Variants in ZBTB20 observed in about 807,000 individuals in gnomAD.
ZBTB20 encodes zinc finger and BTB domain-containing protein 20.
Under a neutral mutation model 56.9 loss-of-function variants are expected in ZBTB20, and 9 were observed. The ratio of observed to expected loss-of-function variants is 0.16; its 90% CI spans 0.10 to 0.28. The LOEUF is 0.28. ZBTB20 is among the 10% of genes least tolerant of loss of function. The pLI, the probability that ZBTB20 is intolerant of heterozygous loss-of-function variation, is 1.00. For synonymous variants in ZBTB20, 417 were observed against 420.7 expected (o/e 0.99, Z 0.11); for missense variants, 655 against 1,003.0 (o/e 0.65, Z 4.69).
intron 6 of ZBTB20, among the ~76,000 whole-genome samples, chr3:114,648,491 C>CA (rs1474695125): frequency 6.6e-6 from 1 of 151,914 alleles, no homozygotes; most frequent in Non-Finnish European, 1.5e-5. Context: ...GGCATGATGG[C>CA]ATCTTAAATT....
chr3:115,059,039 T>G (rs2081921185), intron 2 of ZBTB20, among the ~76,000 whole-genome samples: 1 of 152,176 alleles, frequency 6.6e-6, no homozygotes, highest in Non-Finnish European at 1.5e-5. Context: ...TAGTTCCCTT[T>G]TATGCCACTC....
At chr3:115,051,850 G>T (rs1272909166) in intron 2 of ZBTB20, among the ~76,000 whole-genome samples, 2 of 152,082 alleles carry the variant, frequency 1.3e-5, no homozygotes, top group Non-Finnish European at 2.9e-5. Flanking sequence ...ATGCCTGGGG[G>T]GCCTCAGAAA....
intron 1 of ZBTB20, among the ~76,000 whole-genome samples, chr3:115,091,678 A>T (rs57894310): frequency 0.059 from 8,771 of 148,508 alleles, 850 homozygotes; most frequent in African/African-American, 0.2. Context: ...TGTGTATTTT[A>T]TATATATATA....
chr3:114,901,449 T>C (rs960751607), intron 3 of ZBTB20, among the ~76,000 whole-genome samples: 4 of 152,162 alleles, frequency 2.6e-5, no homozygotes, highest in African/African-American at 4.8e-5. Flanking sequence ...TATATTCTGA[T>C]GGGAATGTGG....
intron 7 of ZBTB20, among the ~76,000 whole-genome samples, chr3:114,426,453 C>A (rs931675094): frequency 3.3e-5 from 5 of 151,754 alleles, no homozygotes; most frequent in Non-Finnish European, 7.4e-5. Context: ...TTCTACCCTA[C>A]TTCAGATCAA....
chr3:115,020,646 T>C (rs1303483231), intron 2 of ZBTB20, among the ~76,000 whole-genome samples: 1 of 151,080 alleles, frequency 6.6e-6, no homozygotes, highest in Non-Finnish European at 1.5e-5. Context: ...TATTGTACTG[T>C]ACTCATTATA....
chr3:115,109,227 T>C (rs1270709692), intron 1 of ZBTB20, among the ~76,000 whole-genome samples: 2 of 152,110 alleles, frequency 1.3e-5, no homozygotes, highest in African/African-American at 4.8e-5. Flanking sequence ...ACAGTTTATA[T>C]TTAATACAAA....
At chr3:114,646,937 G>A (rs1451837890) in intron 6 of ZBTB20, among the ~76,000 whole-genome samples, 2 of 151,870 alleles carry the variant, frequency 1.3e-5, no homozygotes, top group African/African-American at 4.8e-5. Context: ...CTTAATCAAG[G>A]CAGTTTTATT....
intron 3 of ZBTB20, among the ~76,000 whole-genome samples, chr3:114,949,644 T>G (rs1202738890): frequency 6.9e-6 from 1 of 145,348 alleles, no homozygotes; most frequent in Non-Finnish European, 1.5e-5. Context: ...GGCATAAGCC[T>G]GTAATCCCAG....
intron 7 of ZBTB20, among the ~76,000 whole-genome samples, chr3:114,473,659 CT>C (rs141957645): frequency 0.018 from 2,792 of 152,242 alleles, 48 homozygotes; most frequent in Non-Finnish European, 0.029. Context: ...GGTGAGACCC[CT>C]GTCTCTAAAA....
chr3:114,947,394 A>G (rs1214668007), intron 3 of ZBTB20, among the ~76,000 whole-genome samples: 6 of 146,470 alleles, frequency 4.1e-5, no homozygotes, highest in Admixed American at 6.6e-5. Flanking sequence ...TAGCAAAGAT[A>G]TGGAGCCAAC....
At chr3:114,665,813 C>T (rs957161336) in intron 6 of ZBTB20, among the ~76,000 whole-genome samples, 21 of 152,036 alleles carry the variant, frequency 1.4e-4, no homozygotes, top group African/African-American at 5.1e-4. Flanking sequence ...TGTTACTTAA[C>T]AGACATCACA....
At chr3:114,395,553 G>A (rs1576578051) in intron 7 of ZBTB20, among the ~76,000 whole-genome samples, 1 of 152,070 alleles carries the variant, frequency 6.6e-6, no homozygotes, top group Admixed American at 6.6e-5. Context: ...CTAATTACCC[G>A]AAACAAATTC....
intron 10 of ZBTB20, among the ~76,000 whole-genome samples, chr3:114,367,710 CCA>C (rs1228991489): frequency 1.3e-5 from 2 of 152,120 alleles, no homozygotes; most frequent in Non-Finnish European, 2.9e-5. Context: ...TCTTTCAGCC[CCA>C]GTTTCCTTAT....
chr3:114,892,224 C>T (rs1007615254), intron 4 of ZBTB20, among the ~76,000 whole-genome samples: 26 of 152,292 alleles, frequency 1.7e-4, no homozygotes, highest in African/African-American at 6.0e-4. Context: ...ATTTTACATT[C>T]CGTCTTGCTA....
chr3:114,443,729 A>G lies in ZBTB20; in HGVS notation c.-254-54624T>C, dbSNP rs946063596. ...GGAATATTAATAAGTAATAGTAGCAATAACAATAACAACAATGATGAGTGA... is the reference window on the plus strand; with the variant it reads ...GGAATATTAATAAGTAATAGTAGCAGTAACAATAACAACAATGATGAGTGA... On this transcript the variant is annotated intron_variant, in intron 7 of 11. Coordinates refer to ENST00000675478, the MANE Select transcript of ZBTB20 (RefSeq NM_001348800.3). Among the ~76,000 whole-genome samples the G allele has an allele frequency of 9.2e-5, 14 of 152,328 alleles. 1 individual carries two copies. In the South Asian group the frequency reaches 1.2e-3, roughly 14 times the overall value.
At position 114,335,447 on chromosome 3, in the gene ZBTB20, T is replaced by TTC. The variant is rs2079420332; in HGVS notation, c.*3557_*3558insGA. 1 of 152,232 alleles carries TTC rather than the reference T, an allele frequency of 6.6e-6. No individual in the cohort carries two copies. Among genetic ancestry groups the TTC allele is most frequent in the Non-Finnish European group, 1.5e-5 (1 of 68,028 alleles). The allele number at this position is 152,232 out of a possible 1,614,324, so 9.4% of individuals were successfully genotyped here. A position where few individuals can be genotyped will look rare whatever the true frequency, so the allele number is the denominator to read the frequency against. On this transcript the variant is annotated 3_prime_UTR_variant, in exon 12 of 12. Coordinates refer to ENST00000675478, the MANE Select transcript of ZBTB20 (RefSeq NM_001348800.3). ...TATTTCTAAAGATATTTGTGATTGTTTAACTTAAAAGTGAGAATTGACAAT... is the reference window on the plus strand; with the variant it reads ...TATTTCTAAAGATATTTGTGATTGTTTCTAACTTAAAAGTGAGAATTGACAAT...
At chr3:114,865,561 T>A (rs1438830758) in intron 4 of ZBTB20, among the ~76,000 whole-genome samples, 1 of 152,170 alleles carries the variant, frequency 6.6e-6, no homozygotes, top group African/African-American at 2.4e-5. Context: ...GAACTTCATT[T>A]TGAAGACACT....
intron 5 of ZBTB20, among the ~76,000 whole-genome samples, chr3:114,800,397 A>C (rs929901462): frequency 6.6e-6 from 1 of 151,886 alleles, no homozygotes; most frequent in Middle Eastern, 3.2e-3. Context: ...TCTTCCAAGT[A>C]CATTGACAAA....
Sources: allele counts gnomAD v4.1 joint callset (sites outside exome capture counted in the v4.1 genomes callset), GRCh38; gene constraint gnomAD v4.1.1; transcripts MANE v1.5; gene names NCBI Gene and HGNC (gene_info 2026-07-23, HGNC 2026-07-21).